Variants in MAP3K3 observed in about 807,000 individuals in gnomAD.
MAP3K3 encodes mitogen-activated protein kinase kinase kinase 3.
In MAP3K3, 12 loss-of-function variants were observed where a neutral mutation model predicts 80.9. The observed-to-expected ratio is 0.15, with a 90% CI of 0.10 to 0.24. MAP3K3 has a LOEUF of 0.24. Among genes scored for constraint, MAP3K3 ranks in the 10% least tolerant of loss-of-function variants. MAP3K3 has a pLI of 1.00. For missense variants in MAP3K3, 596 were observed against 834.7 expected, an observed-to-expected ratio of 0.71 and a Z score of 3.52; for synonymous variants, 272 against 307.1, an observed-to-expected ratio of 0.89 and a Z score of 1.19.
Position 63,679,659 on chromosome 17 carries a change from G to A in MAP3K3, c.503-2107G>A, listed in dbSNP as rs532278692. 4.1e-4 allele frequency among the ~76,000 whole-genome samples: 62 copies of A among 152,192 alleles called. 1 individual carries two copies. The highest frequency in any genetic ancestry group is 1.5e-3 in the African/African-American group (61 of 41,512). On this transcript the variant is annotated intron_variant, in intron 6 of 15. Transcript: ENST00000361733. ...CTGGCTAATTTTTAAAATATTTTTT[G>A]TAGAGATGGGGTCTCACCATGTTGC... is the stretch of plus-strand genomic sequence containing the variant.
Position 63,685,517 on chromosome 17 carries a change from A to T in MAP3K3, c.637A>T (p.Met213Leu). 1 of 1,613,864 alleles carries T rather than the reference A, an allele frequency of 6.2e-7. No homozygotes were observed. Among genetic ancestry groups the T allele is most frequent in the Non-Finnish European group, 8.5e-7 (1 of 1,179,774 alleles). Residue 213 changes from methionine to leucine, a missense_variant and splice_region_variant, in exon 8 of 16, where the codon ATG (methionine) becomes TTG (leucine). Physicochemically the swap from Met to Leu is conservative, Grantham distance 15 (BLOSUM62 2). This residue lies in a region of MAP3K3 where 364 missense variants were observed against 588.9 expected (regional missense o/e 0.62). Coordinates refer to ENST00000361733, the MANE Select transcript of MAP3K3 (RefSeq NM_002401.5). The stretch of plus-strand genomic sequence containing the variant: ...CTTCATTGTTTGACTTGCCTTACAG[A>T]TGCTGGATCCCCTGAGCAGTGCAGA... Reference protein sequence around the residue: ...EFIPETSEQCMLDPLSSAENS... With the variant: ...EFIPETSEQCLLDPLSSAENS...
chr17:63,660,426 T>C (rs1281694254), intron 5 of MAP3K3, among the ~76,000 whole-genome samples: 3 of 152,002 alleles, frequency 2.0e-5, no homozygotes, highest in East Asian at 3.9e-4. Context: ...TTGCCCAAGC[T>C]GGTCTCAAAC....
chr17:63,624,064 C>G (rs1568118446), intron 1 of MAP3K3, among the ~76,000 whole-genome samples: 1 of 152,168 alleles, frequency 6.6e-6, no homozygotes, highest in Non-Finnish European at 1.5e-5. Context: ...CTTACTGTTT[C>G]CTTCTCATGC....
rs757293519 is a variant in MAP3K3, at chr17:63,657,776, CTA to C, written c.268-16_268-15del. 4 of 1,131,932 alleles carry C rather than the reference CTA, an allele frequency of 3.5e-6. No individual in the cohort carries two copies. Among genetic ancestry groups the C allele is most frequent in the East Asian group, 4.8e-5 (2 of 41,842 alleles). 70.1% of individuals were successfully genotyped at this position (1,131,932 alleles called of 1,614,324 possible). On this transcript the variant is annotated splice_polypyrimidine_tract_variant and intron_variant, in intron 4 of 15. Coordinates refer to ENST00000361733, the MANE Select transcript of MAP3K3 (RefSeq NM_002401.5). ...TTCTGTTTTATATTATTTTCCTTTT[CTA>C]TGTCTTGTATCACAGCTCTCCATCC...
chr17:63,652,511 G>T (rs928355552), intron 3 of MAP3K3, 46 bp from the exon 4 acceptor site: 2 of 1,264,256 alleles, frequency 1.6e-6, no homozygotes, highest in South Asian at 1.2e-5. Flanking sequence ...TAAACCCTAC[G>T]TTTTAAGTAT....
intron 4 of MAP3K3, among the ~76,000 whole-genome samples, chr17:63,654,481 G>C (rs2034724067): frequency 6.6e-6 from 1 of 151,946 alleles, no homozygotes; most frequent in Non-Finnish European, 1.5e-5. Context: ...TAGACATTTG[G>C]GTTGTTTTCA....
intron 6 of MAP3K3, among the ~76,000 whole-genome samples, chr17:63,678,302 A>G (rs181159771): frequency 1.3e-5 from 2 of 152,272 alleles, no homozygotes; most frequent in African/African-American, 4.8e-5. Flanking sequence ...TTCATGGTAC[A>G]ATATCCCTAA....
chr17:63,634,493 T>C (rs2034280766), intron 2 of MAP3K3, among the ~76,000 whole-genome samples: 1 of 152,164 alleles, frequency 6.6e-6, no homozygotes, highest in Non-Finnish European at 1.5e-5. Flanking sequence ...CTAAAAGCCA[T>C]GATGAGGGAA....
Position 63,632,810 on chromosome 17 carries a change from T to G in MAP3K3, c.126+8T>G. The G allele has an allele frequency of 6.2e-7, 1 of 1,613,924 alleles. No homozygotes were observed. Among genetic ancestry groups the G allele is most frequent in the Non-Finnish European group, 8.5e-7 (1 of 1,179,910 alleles). On this transcript the variant is annotated splice_region_variant and intron_variant, in intron 2 of 15. Coordinates refer to ENST00000361733, the MANE Select transcript of MAP3K3 (RefSeq NM_002401.5). ...GGTCACTCAAATAGGCAGGTGTGTG[T>G]GACCCTGGCAGAGCTAAGTGAGATT...
intron 6 of MAP3K3, among the ~76,000 whole-genome samples, chr17:63,678,654 C>T: frequency 6.6e-6 from 1 of 152,216 alleles, no homozygotes; most frequent in East Asian, 1.9e-4. Flanking sequence ...AATACCAGTT[C>T]AGTGGTGAAT....
chr17:63,664,869 C>T (rs73339417), intron 5 of MAP3K3, among the ~76,000 whole-genome samples: 1,970 of 152,246 alleles, frequency 0.013, 46 homozygotes, highest in African/African-American at 0.045. Flanking sequence ...GTCCTAAACC[C>T]TTGAAGCAAC....
At chr17:63,679,207 T>G (rs1157562806) in intron 6 of MAP3K3, among the ~76,000 whole-genome samples, 1 of 152,122 alleles carries the variant, frequency 6.6e-6, no homozygotes, top group East Asian at 1.9e-4. Context: ...GAGACCCTGT[T>G]CCTAAAAGTG....
intron 3 of MAP3K3, among the ~76,000 whole-genome samples, chr17:63,647,777 G>A (rs187026953): frequency 7.3e-4 from 111 of 152,304 alleles, no homozygotes; most frequent in African/African-American, 2.4e-3. Flanking sequence ...CTCTAGTTTC[G>A]TGTATTTCAC....
chr17:63,640,557 C>A (rs754476349), intron 2 of MAP3K3, among the ~76,000 whole-genome samples: 8 of 152,130 alleles, frequency 5.3e-5, no homozygotes, highest in Non-Finnish European at 1.0e-4. Flanking sequence ...ATTTGGCAAC[C>A]AGACCTGTCC....
In MAP3K3 at chr17:63,691,005, A is replaced by C; in HGVS notation, c.1213-97A>C. ...TCTCCAACTGCAGTTCCCAAGGCAG[A>C]TCCCTGTGAGGCCACTAACTAGGGC... On this transcript the variant is annotated intron_variant, in intron 12 of 15. Coordinates refer to ENST00000361733, the MANE Select transcript of MAP3K3 (RefSeq NM_002401.5). The surrounding 1 kb of genome is among the most constrained non-coding windows in gnomAD (Gnocchi z 4.8). 2 of 1,465,988 alleles carry C rather than the reference A, an allele frequency of 1.4e-6. No individual in the cohort carries two copies. Among genetic ancestry groups the C allele is most frequent in the Non-Finnish European group, 1.9e-6 (2 of 1,064,268 alleles). 90.8% of individuals were successfully genotyped at this position (1,465,988 alleles called of 1,614,324 possible).
intron 7 of MAP3K3, 94 bp from the exon 8 acceptor site, chr17:63,685,423 A>G: frequency 2.1e-6 from 2 of 931,380 alleles, no homozygotes; most frequent in Non-Finnish European, 3.6e-6. Flanking sequence ...TGTTTTGACA[A>G]AAAGGCCCAT....
At chr17:63,662,183 A>G (rs912475192) in intron 5 of MAP3K3, among the ~76,000 whole-genome samples, 1 of 146,044 alleles carries the variant, frequency 6.8e-6, no homozygotes, top group Non-Finnish European at 1.5e-5. Context: ...AGGCAGGCAG[A>G]TTACTTGAGC....
At chr17:63,677,933 C>T (rs1045103257) in intron 6 of MAP3K3, among the ~76,000 whole-genome samples, 2 of 152,186 alleles carry the variant, frequency 1.3e-5, no homozygotes, top group African/African-American at 4.8e-5. Context: ...GTCATATTTC[C>T]TTGTGGATGG....
rs1225666463 is a variant in MAP3K3 at position 63,685,725 on chromosome 17, C to G, written c.710+135C>G. 20 of 687,220 alleles carry G rather than the reference C, an allele frequency of 2.9e-5. No homozygotes were observed. In the East Asian group the frequency reaches 5.3e-4, roughly 18 times the overall value. The allele number at this position is 687,220 out of a possible 1,614,324, so 42.6% of individuals were successfully genotyped here. A position where few individuals can be genotyped will look rare whatever the true frequency, so the allele number is the denominator to read the frequency against. Reference sequence around the variant, plus strand: ...AGGAAAAGCCTTCTCCTTAATTTCCCCAACACCACGAGAATGTTATGATGG... The same window carrying G: ...AGGAAAAGCCTTCTCCTTAATTTCCGCAACACCACGAGAATGTTATGATGG... On this transcript the variant is annotated intron_variant, in intron 8 of 15. Coordinates refer to ENST00000361733, the MANE Select transcript of MAP3K3 (RefSeq NM_002401.5).
Sources: allele counts gnomAD v4.1 joint callset (sites outside exome capture counted in the v4.1 genomes callset), GRCh38; gene constraint gnomAD v4.1.1; regional missense constraint gnomAD v4.1.1; non-coding constraint Gnocchi (gnomAD v3.1); transcripts MANE v1.5; gene names NCBI Gene and HGNC (gene_info 2026-07-23, HGNC 2026-07-21).